The following RIMS2 variants were observed in gnomAD, a reference collection of about 807,000 sequenced individuals.
RIMS2 encodes the protein regulating synaptic membrane exocytosis protein 2.
In RIMS2, 59 loss-of-function variants were observed where a neutral mutation model predicts 174.4. The ratio of observed to expected loss-of-function variants is 0.34; its 90% CI spans 0.27 to 0.42. The LOEUF (loss-of-function observed/expected upper bound fraction) is 0.42. RIMS2 is among the 10% of genes least tolerant of loss of function. The pLI, the probability that RIMS2 is intolerant of heterozygous loss-of-function variation, is 1.00. For missense variants in RIMS2, 1,620 were observed against 1,666.3 expected, an observed-to-expected ratio of 0.97 and a Z score of 0.48; for synonymous variants, 606 against 572.5, an observed-to-expected ratio of 1.06 and a Z score of -0.84.
chr8:104,118,370 G>GTTTTTTTTTT (rs113018786), intron 19 of RIMS2, among the ~76,000 whole-genome samples: 1 of 136,492 alleles, frequency 7.3e-6, no homozygotes, highest in Non-Finnish European at 1.6e-5. Flanking sequence ...TTGTTTTTTT[G>GTTTTTTTTTT]TTTTTTTTTT....
At chr8:103,707,884 G>A (rs2097252971) in intron 2 of RIMS2, among the ~76,000 whole-genome samples, 1 of 152,224 alleles carries the variant, frequency 6.6e-6, no homozygotes, top group African/African-American at 2.4e-5. Flanking sequence ...GGCCTAGGGT[G>A]CGTCTAGAAG....
At chr8:103,530,314 T>G (rs1379630417) in intron 1 of RIMS2, among the ~76,000 whole-genome samples, 1 of 152,038 alleles carries the variant, frequency 6.6e-6, no homozygotes, top group African/African-American at 2.4e-5. Flanking sequence ...AAAAAGTATT[T>G]AATTAATTAA....
At chr8:103,543,723 A>T (rs1196180793) in intron 1 of RIMS2, among the ~76,000 whole-genome samples, 2 of 152,208 alleles carry the variant, frequency 1.3e-5, no homozygotes, top group Non-Finnish European at 2.9e-5. Context: ...CTTGACAGAG[A>T]TGCCAAGAAT....
chr8:104,201,717 G>T (rs539210254), intron 19 of RIMS2, among the ~76,000 whole-genome samples: 2 of 152,180 alleles, frequency 1.3e-5, no homozygotes, highest in African/African-American at 2.4e-5. Context: ...TATAAAAATG[G>T]GTTCGGGGCA....
chr8:103,867,642 T>C (rs1490851617), intron 3 of RIMS2, among the ~76,000 whole-genome samples: 1 of 151,986 alleles, frequency 6.6e-6, no homozygotes, highest in East Asian at 1.9e-4. Context: ...TTGTTCTACT[T>C]ATGCTTCTGT....
intron 3 of RIMS2, among the ~76,000 whole-genome samples, chr8:103,844,535 T>C (rs970575211): frequency 6.6e-6 from 1 of 152,156 alleles, no homozygotes; most frequent in African/African-American, 2.4e-5. Flanking sequence ...TCCTCTCTTT[T>C]AAAAAATATT....
intron 19 of RIMS2, among the ~76,000 whole-genome samples, chr8:104,060,460 T>C (rs2096962379): frequency 1.3e-5 from 2 of 152,150 alleles, no homozygotes; most frequent in Admixed American, 6.5e-5. Context: ...TCTTCTCTCT[T>C]TTCTTCTTTA....
At chr8:104,021,903 T>C (rs1401906448) in intron 19 of RIMS2, among the ~76,000 whole-genome samples, 1 of 152,068 alleles carries the variant, frequency 6.6e-6, no homozygotes, top group Non-Finnish European at 1.5e-5. Context: ...GAGTAGGGAA[T>C]GGGGAATGTT....
intron 19 of RIMS2, among the ~76,000 whole-genome samples, chr8:104,142,487 G>A (rs1161029897): frequency 6.6e-6 from 1 of 152,038 alleles, no homozygotes; most frequent in Non-Finnish European, 1.5e-5. Context: ...CATGTTAAAA[G>A]GGAGCAAACT....
intron 19 of RIMS2, among the ~76,000 whole-genome samples, chr8:104,118,920 T>C (rs563192339): frequency 6.6e-6 from 1 of 152,208 alleles, no homozygotes; most frequent in African/African-American, 2.4e-5. Context: ...AATCCCATCA[T>C]GAGGGCTCCA....
intron 3 of RIMS2, among the ~76,000 whole-genome samples, chr8:103,797,273 C>T (rs2098556374): frequency 1.3e-5 from 2 of 152,110 alleles, no homozygotes; most frequent in South Asian, 2.1e-4. Context: ...AGAAAGGATA[C>T]CATTATTAAT....
intron 19 of RIMS2, chr8:104,015,568 A>C (rs184372692): frequency 2.1e-6 from 1 of 465,870 alleles, no homozygotes; most frequent in Admixed American, 4.1e-5. Flanking sequence ...ACTTAAATAC[A>C]GTAAAATTAT....
At chr8:103,742,747 G>A (rs1246428197) in intron 2 of RIMS2, among the ~76,000 whole-genome samples, 1 of 152,098 alleles carries the variant, frequency 6.6e-6, no homozygotes, top group East Asian at 1.9e-4. Flanking sequence ...CAAGAGAGAT[G>A]GTTTCATGCT....
chr8:103,799,516 A>G (rs554919184), intron 3 of RIMS2, among the ~76,000 whole-genome samples: 2 of 152,256 alleles, frequency 1.3e-5, no homozygotes, highest in South Asian at 4.1e-4. Context: ...TAGGGTATGT[A>G]TACTTTATTT....
intron 19 of RIMS2, among the ~76,000 whole-genome samples, chr8:104,225,520 G>C (rs2099181901): frequency 6.6e-6 from 1 of 152,124 alleles, no homozygotes; most frequent in Admixed American, 6.5e-5. Context: ...GTTTGCTTCA[G>C]ATAAGGTATC....
At chr8:104,008,791 A>G (rs2095667226) in intron 17 of RIMS2, among the ~76,000 whole-genome samples, 1 of 152,004 alleles carries the variant, frequency 6.6e-6, no homozygotes, top group Non-Finnish European at 1.5e-5. Flanking sequence ...CTGACTCTAA[A>G]TATTGTTGTC....
At chr8:104,094,512 GA>G in intron 19 of RIMS2, 1 of 696,670 alleles carries the variant, frequency 1.4e-6, no homozygotes, top group South Asian at 1.5e-5. Context: ...GAAAGAAGGG[GA>G]TAAGCATGAA....
At chr8:103,514,971 T>C (rs7844923) in intron 1 of RIMS2, among the ~76,000 whole-genome samples, 1 of 151,946 alleles carries the variant, frequency 6.6e-6, no homozygotes, top group Admixed American at 6.6e-5. Context: ...ACTTCATTTT[T>C]TTCTGATTGA....
At chr8:103,538,809 G>A (rs1428082031) in intron 1 of RIMS2, among the ~76,000 whole-genome samples, 1 of 152,148 alleles carries the variant, frequency 6.6e-6, no homozygotes, top group Non-Finnish European at 1.5e-5. Context: ...GCCCAGCCTA[G>A]TCCATTGTAT....
Sources: gnomAD v4.1 joint callset for allele counts (sites outside exome capture counted in the v4.1 genomes callset) on GRCh38, gnomAD v4.1.1 for gene constraint, MANE v1.5 for transcripts, NCBI Gene and HGNC (gene_info 2026-07-23, HGNC 2026-07-21) for gene names.